Variants in CCSER1 observed in about 807,000 individuals in gnomAD.
CCSER1 encodes the protein serine-rich coiled-coil domain-containing protein 1.
In CCSER1, 41 loss-of-function variants were observed where a neutral mutation model predicts 82.0. The observed-to-expected ratio is 0.50, with a 90% CI of 0.39 to 0.65. The LOEUF (loss-of-function observed/expected upper bound fraction) is 0.65. Among genes scored for constraint, CCSER1 ranks in the 30% least tolerant of loss-of-function variants. The probability of loss-of-function intolerance (pLI) is 0.00; values close to 1 mark genes in which losing one functional copy is unlikely to be tolerated. For missense variants in CCSER1, 1,119 were observed against 1,064.2 expected, an observed-to-expected ratio of 1.05 and a Z score of -0.72; for synonymous variants, 414 against 383.9, an observed-to-expected ratio of 1.08 and a Z score of -0.92.
At chr4:91,002,664 T>A (rs978129004) in intron 9 of CCSER1, among the ~76,000 whole-genome samples, 9 of 152,222 alleles carry the variant, frequency 5.9e-5, no homozygotes, top group Non-Finnish European at 1.2e-4. Context: ...GTATCTTTTT[T>A]AAAATTTTCT....
chr4:90,822,347 A>G (rs997488981), intron 8 of CCSER1, among the ~76,000 whole-genome samples: 4 of 152,124 alleles, frequency 2.6e-5, no homozygotes, highest in African/African-American at 9.7e-5. Context: ...ACCATTCAGA[A>G]TTTTCCTGTT....
intron 5 of CCSER1, among the ~76,000 whole-genome samples, chr4:90,503,456 C>A (rs1770213551): frequency 6.6e-6 from 1 of 152,072 alleles, no homozygotes; most frequent in African/African-American, 2.4e-5. Flanking sequence ...TACATGTGCA[C>A]AACGTGCAGG....
At chr4:91,338,636 C>G (rs1050002191) in intron 10 of CCSER1, among the ~76,000 whole-genome samples, 4 of 152,032 alleles carry the variant, frequency 2.6e-5, no homozygotes, top group Non-Finnish European at 4.4e-5. Flanking sequence ...CTAAAGTGCA[C>G]TTAAAATGAA....
intron 9 of CCSER1, among the ~76,000 whole-genome samples, chr4:90,932,599 G>A (rs962418635): frequency 1.3e-5 from 2 of 151,942 alleles, no homozygotes; most frequent in African/African-American, 2.4e-5. Context: ...TGGCCCAGGC[G>A]GGCGAATCAC....
chr4:90,905,222 A>T (rs192354690), intron 8 of CCSER1, among the ~76,000 whole-genome samples: 74 of 152,188 alleles, frequency 4.9e-4, no homozygotes, highest in Admixed American at 3.5e-3. Context: ...AACAGACAGA[A>T]TGATGTTGGT....
At chr4:90,910,981 A>G (rs1726249203) in intron 8 of CCSER1, among the ~76,000 whole-genome samples, 1 of 152,200 alleles carries the variant, frequency 6.6e-6, no homozygotes, top group Non-Finnish European at 1.5e-5. Context: ...ATGGAATAAA[A>G]TATGTTCTAA....
At position 90,616,728 on chromosome 4, in the gene CCSER1, C is replaced by T. The variant is rs968103226; in HGVS notation, c.1725-11297C>T. On this transcript the variant is annotated intron_variant, in intron 5 of 10. Coordinates refer to ENST00000509176, the MANE Select transcript of CCSER1 (RefSeq NM_001145065.2). ...ACACACACACACACACACACACACA[C>T]ACACACACACAAATAAAATAAAATA... Among the ~76,000 whole-genome samples, 189 of 95,524 alleles carry T rather than the reference C, an allele frequency of 2.0e-3. 1 individual carries two copies. Among genetic ancestry groups the T allele is most frequent in the South Asian group, 0.011 (34 of 3,040 alleles). The allele number at this position is 95,524 out of a possible 152,430, so 62.7% of individuals were successfully genotyped here.
At chr4:90,774,219 C>T (rs866554440) in intron 7 of CCSER1, among the ~76,000 whole-genome samples, 3 of 151,992 alleles carry the variant, frequency 2.0e-5, no homozygotes, top group African/African-American at 4.8e-5. Context: ...TGTTAATCAG[C>T]GTTTAGGAAA....
intron 9 of CCSER1, among the ~76,000 whole-genome samples, chr4:90,961,188 G>A (rs1483164126): frequency 6.6e-6 from 1 of 152,076 alleles, no homozygotes; most frequent in Non-Finnish European, 1.5e-5. Flanking sequence ...GTCATCATGC[G>A]TTCCTTATTT....
chr4:90,915,527 A>C (rs1727219966), intron 8 of CCSER1, among the ~76,000 whole-genome samples: 1 of 152,192 alleles, frequency 6.6e-6, no homozygotes, highest in Non-Finnish European at 1.5e-5. Flanking sequence ...AAATAATAAG[A>C]GCTATCTATG....
intron 5 of CCSER1, among the ~76,000 whole-genome samples, chr4:90,506,540 A>C (rs942577682): frequency 6.6e-6 from 1 of 152,094 alleles, no homozygotes; most frequent in Non-Finnish European, 1.5e-5. Context: ...AGGCAGGTGG[A>C]TTGCCTGAGC....
At chr4:90,767,781 C>T (rs1050635275) in intron 7 of CCSER1, among the ~76,000 whole-genome samples, 7 of 152,104 alleles carry the variant, frequency 4.6e-5, no homozygotes, top group South Asian at 2.1e-4. Context: ...AATTCTCCCA[C>T]GTCAGCCTCC....
intron 10 of CCSER1, among the ~76,000 whole-genome samples, chr4:91,406,211 A>G (rs1490186516): frequency 6.6e-6 from 1 of 152,208 alleles, no homozygotes; most frequent in Non-Finnish European, 1.5e-5. Flanking sequence ...TTGTACAATA[A>G]GTAGCATGAA....
At chr4:90,534,083 A>G (rs919449739) in intron 5 of CCSER1, among the ~76,000 whole-genome samples, 5 of 152,202 alleles carry the variant, frequency 3.3e-5, no homozygotes, top group Non-Finnish European at 4.4e-5. Flanking sequence ...GATGTTTACA[A>G]TTGGTCACTA....
chr4:90,284,553 G>T (rs919815921), intron 1 of CCSER1, among the ~76,000 whole-genome samples: 2 of 150,550 alleles, frequency 1.3e-5, no homozygotes, highest in Admixed American at 6.6e-5. Flanking sequence ...GAGTACAGTG[G>T]TGCAATCATG....
In CCSER1 at chr4:90,605,087, G is replaced by A. The variant is rs537821905; in HGVS notation, c.1725-22938G>A. ...CTCTTTGGGTTTGAGCCGCCTTTAT[G>A]AGCTGTAATGTTCACCATGATGGTC... On this transcript the variant is annotated intron_variant, in intron 5 of 10. Coordinates refer to ENST00000509176, the MANE Select transcript of CCSER1 (RefSeq NM_001145065.2). Among the ~76,000 whole-genome samples the A allele has an allele frequency of 4.6e-5, 7 of 152,312 alleles. No homozygotes were observed. The South Asian group carries it at 1.0e-3, about 23-fold the overall frequency.
chr4:90,509,613 C>T (rs1274968221), intron 5 of CCSER1, among the ~76,000 whole-genome samples: 2 of 152,066 alleles, frequency 1.3e-5, no homozygotes, highest in African/African-American at 4.8e-5. Context: ...AGAGATTAAC[C>T]TTTTCATTCT....
chr4:90,824,016 G>A (rs750563014), intron 8 of CCSER1, among the ~76,000 whole-genome samples: 9 of 150,812 alleles, frequency 6.0e-5, no homozygotes, highest in Non-Finnish European at 1.2e-4. Flanking sequence ...TTTTCTTTTA[G>A]AAGAGGACGG....
At position 90,657,291 on chromosome 4, in the gene CCSER1, G is replaced by A. The variant is rs186682682; in HGVS notation, c.1932+29059G>A. ...TCATTTTCTGGCTTTATTCAAAAGA[G>A]ATTTTGTTTTTTGGAAGCTGATGTG... On this transcript the variant is annotated intron_variant, in intron 6 of 10. Coordinates refer to ENST00000509176, the MANE Select transcript of CCSER1 (RefSeq NM_001145065.2). Among the ~76,000 whole-genome samples, 37 of 152,130 alleles carry A rather than the reference G, an allele frequency of 2.4e-4. No individual in the cohort carries two copies. In the East Asian group the frequency reaches 6.8e-3, roughly 28 times the overall value.
Sources: allele counts gnomAD v4.1 joint callset (sites outside exome capture counted in the v4.1 genomes callset), GRCh38; gene constraint gnomAD v4.1.1; transcripts MANE v1.5; gene names NCBI Gene and HGNC (gene_info 2026-07-23, HGNC 2026-07-21).